The following PKHD1 variants were observed in gnomAD, a reference collection of about 807,000 sequenced individuals.
PKHD1 encodes fibrocystin.
A neutral mutation model predicts 412.0 loss-of-function variants in PKHD1; 291 were observed. That is an observed-to-expected ratio of 0.71 (90% confidence interval 0.64 to 0.78). PKHD1 has a LOEUF of 0.78. Among genes scored for constraint, PKHD1 ranks in the 30% least tolerant of loss-of-function variants. The probability of loss-of-function intolerance (pLI) is 0.00; values close to 1 mark genes in which losing one functional copy is unlikely to be tolerated. For synonymous variants in PKHD1, 1,777 were observed against 1,821.5 expected, an observed-to-expected ratio of 0.98 and a Z score of 0.62; for missense variants, 4,825 against 4,950.7, an observed-to-expected ratio of 0.97 and a Z score of 0.76.
chr6:51,867,974 G>T lies in PKHD1; in HGVS notation c.7622C>A (p.Ala2541Asp). 6.2e-7 allele frequency: 1 copy of T among 1,613,456 alleles called. No individual in the cohort carries two copies. Among genetic ancestry groups the T allele is most frequent in the Non-Finnish European group, 8.5e-7 (1 of 1,179,476 alleles). The change falls in exon 48 of 67, where the codon GCT becomes GAT. Residue 2541 changes from alanine (A) to aspartate (D), a missense_variant. Transcript: ENST00000371117. ...LSGKNRSHIL[A>D]SMETLSASCL... ...AGAAGCTGAAAGGGTTTCCATAGAA[G>T]CAAGAATGTGACTTCTGTTTTTCCC...
chr6:51,620,095 C>A (rs767534697), intron 66 of PKHD1, among the ~76,000 whole-genome samples: 3 of 152,064 alleles, frequency 2.0e-5, no homozygotes, highest in Non-Finnish European at 2.9e-5. Flanking sequence ...AAAATTAGGC[C>A]CAAGTTCCCC....
At chr6:51,641,863 G>C (rs1381547171) in intron 63 of PKHD1, among the ~76,000 whole-genome samples, 1 of 152,142 alleles carries the variant, frequency 6.6e-6, no homozygotes, top group African/African-American at 2.4e-5. Flanking sequence ...TATGGGCACA[G>C]GGAGGGGAAC....
intron 60 of PKHD1, among the ~76,000 whole-genome samples, chr6:51,671,268 A>G (rs532567257): frequency 2.2e-4 from 33 of 151,898 alleles, no homozygotes; most frequent in African/African-American, 7.7e-4. Flanking sequence ...TTTTTCTCTA[A>G]ACTTCCCTTC....
At chr6:51,917,717 C>T (rs1395486164) in intron 37 of PKHD1, among the ~76,000 whole-genome samples, 1 of 152,156 alleles carries the variant, frequency 6.6e-6, no homozygotes, top group Non-Finnish European at 1.5e-5. Flanking sequence ...ACATATGTGG[C>T]ATGGCCAGAG....
In PKHD1 at chr6:51,791,294, G is replaced by C. The variant is rs746096431; in HGVS notation, c.8382C>G (p.Asp2794Glu). Residue 2794 changes from aspartate (D) to glutamate (E), a missense_variant, in exon 53 of 67, where the codon GAC (aspartate) becomes GAG (glutamate). Transcript: ENST00000371117. ...YVMGTLDFPV[D>E]RSNVLSVACM... The stretch of plus-strand genomic sequence containing the variant: ...ATGCCACACTCAGAACATTGCTTCT[G>C]TCCACAGGGAAGTCTAAGGTCCCCA... 30 of 1,613,766 alleles carry C rather than the reference G, an allele frequency of 1.9e-5. No individual in the cohort carries two copies. The highest frequency in any genetic ancestry group is 1.6e-4 in the Middle Eastern group (1 of 6,084).
chr6:51,939,236 T>G (rs1479695485), intron 36 of PKHD1, among the ~76,000 whole-genome samples: 3 of 149,668 alleles, frequency 2.0e-5, no homozygotes, highest in African/African-American at 7.4e-5. Context: ...CAACCCCTTC[T>G]CCTTCACCCT....
chr6:51,840,314 C>T (rs1265451668), intron 50 of PKHD1, among the ~76,000 whole-genome samples: 1 of 152,074 alleles, frequency 6.6e-6, no homozygotes, highest in Non-Finnish European at 1.5e-5. Context: ...CCTTTAAAGG[C>T]GTTCACAGAA....
At chr6:51,796,034 G>A (rs1415888312) in intron 52 of PKHD1, among the ~76,000 whole-genome samples, 1 of 152,120 alleles carries the variant, frequency 6.6e-6, no homozygotes, top group African/African-American at 2.4e-5. Context: ...AAATGAGATA[G>A]GGAGGAGTCC....
At chr6:52,042,826 G>T in intron 27 of PKHD1, 33 bp downstream of exon 27, 1 of 1,601,684 alleles carries the variant, frequency 6.2e-7, no homozygotes, top group Non-Finnish European at 8.5e-7. Flanking sequence ...GCTTCAGAGG[G>T]TCAGACATAC....
In PKHD1 at chr6:51,870,613, A is replaced by C. The variant is rs201173272; in HGVS notation, c.7377T>G (p.Ile2459Met). ...TCAGTTCCCATCTTTTAGGAGTTTT[A>C]ATCCCAGATGACATACACAGACTTC... ...HKGSLCMSSG[I>M]KTPKRWELMV... The change falls in exon 47 of 67, where the codon ATT becomes ATG. Residue 2459 changes from isoleucine to methionine, a missense_variant. By Grantham distance (10) the Ile-to-Met change is conservative (BLOSUM62 1). Coordinates refer to ENST00000371117, the MANE Select transcript of PKHD1 (RefSeq NM_138694.4). 5.0e-6 allele frequency: 8 copies of C among 1,610,948 alleles called. No homozygotes were observed. The East Asian group carries it at 1.8e-4, about 36-fold the overall frequency.
chr6:51,863,402 T>C (rs1774511737), intron 48 of PKHD1, among the ~76,000 whole-genome samples: 1 of 152,220 alleles, frequency 6.6e-6, no homozygotes, highest in Admixed American at 6.5e-5. Flanking sequence ...TCTGTTGATA[T>C]CTCAATGAGT....
At chr6:51,719,035 G>C (rs1160123002) in intron 60 of PKHD1, among the ~76,000 whole-genome samples, 1 of 152,054 alleles carries the variant, frequency 6.6e-6, no homozygotes, top group Non-Finnish European at 1.5e-5. Flanking sequence ...AGCTGGCTAG[G>C]ATGTCTGGAT....
intron 64 of PKHD1, among the ~76,000 whole-genome samples, chr6:51,636,151 G>A (rs1028899409): frequency 1.3e-5 from 2 of 151,954 alleles, no homozygotes; most frequent in African/African-American, 4.8e-5. Context: ...ATAAATACTT[G>A]GGCAGATCTA....
intron 36 of PKHD1, 67 bp from the exon 37 acceptor site, chr6:51,934,389 G>T: frequency 1.0e-6 from 1 of 955,300 alleles, no homozygotes; most frequent in Non-Finnish European, 1.7e-6. Flanking sequence ...CAGTTTCAAT[G>T]CCTGATGAAA....
chr6:51,805,314 T>G (rs928934373), intron 52 of PKHD1, among the ~76,000 whole-genome samples: 2 of 151,794 alleles, frequency 1.3e-5, no homozygotes, highest in East Asian at 1.9e-4. Context: ...CACTTATAAG[T>G]GGAGGTAAGC....
At chr6:51,869,563 G>A (rs1775642762) in intron 47 of PKHD1, among the ~76,000 whole-genome samples, 1 of 152,108 alleles carries the variant, frequency 6.6e-6, no homozygotes, top group African/African-American at 2.4e-5. Context: ...GAAAAGAGGG[G>A]TTAGCCAATA....
intron 6 of PKHD1, 80 bp downstream of exon 6, chr6:52,076,196 A>G (rs1811304209): frequency 2.1e-6 from 2 of 964,204 alleles, no homozygotes; most frequent in Non-Finnish European, 3.4e-6. Flanking sequence ...TCCCACTCAT[A>G]AAAACCACTC....
intron 48 of PKHD1, among the ~76,000 whole-genome samples, chr6:51,864,123 G>C (rs1398404017): frequency 6.6e-6 from 1 of 152,156 alleles, no homozygotes; most frequent in Non-Finnish European, 1.5e-5. Flanking sequence ...CATGGAAGCT[G>C]AACATTATGA....
chr6:51,887,832 C>G (rs118008850), intron 43 of PKHD1, among the ~76,000 whole-genome samples: 3 of 152,162 alleles, frequency 2.0e-5, no homozygotes, highest in African/African-American at 2.4e-5. Flanking sequence ...TATAGCAATG[C>G]GAGAATGAAC....
Sources: allele counts gnomAD v4.1 joint callset (sites outside exome capture counted in the v4.1 genomes callset), GRCh38; gene constraint gnomAD v4.1.1; transcripts MANE v1.5; gene names NCBI Gene and HGNC (gene_info 2026-07-23, HGNC 2026-07-21).